The following YTHDF3 variants were observed in gnomAD, a reference collection of about 807,000 sequenced individuals.
YTHDF3 encodes the protein YTH domain-containing family protein 3.
YTHDF3 carries 9 observed loss-of-function variants against 52.5 expected under a neutral mutation model. That is an observed-to-expected ratio of 0.17 (90% confidence interval 0.10 to 0.30). The LOEUF (loss-of-function observed/expected upper bound fraction) is 0.30. Among genes scored for constraint, YTHDF3 ranks in the 10% least tolerant of loss-of-function variants. The probability of loss-of-function intolerance (pLI) is 1.00; values close to 1 mark genes in which losing one functional copy is unlikely to be tolerated. For synonymous variants in YTHDF3, 274 were observed against 243.3 expected (o/e 1.13, Z -1.18); for missense variants, 534 against 715.0 (o/e 0.75, Z 2.89).
At chr8:63,175,462 T>C (rs777818717) in intron 3 of YTHDF3, 46 bp downstream of exon 3, 1 of 1,405,572 alleles carries the variant, frequency 7.1e-7, no homozygotes, top group East Asian at 2.4e-5. Flanking sequence ...AACCTTTTAT[T>C]AGTATTAGTT....
At position 63,195,041 on chromosome 8, in the gene YTHDF3, C is replaced by T. The variant is rs569407668; in HGVS notation, c.1734+7296C>T. On this transcript the variant is annotated intron_variant, in intron 4 of 4. Coordinates refer to ENST00000539294, the MANE Select transcript of YTHDF3 (RefSeq NM_152758.6). ...ACTGATTATTTTGGCAACAGGAGTT[C>T]CTCGGCTTGCCTTGCCAGCCAACAA... 1.7e-4 allele frequency among the ~76,000 whole-genome samples: 26 copies of T among 152,276 alleles called. No homozygotes were observed. In the East Asian group the frequency reaches 3.7e-3, roughly 22 times the overall value.
rs1262130456 is a variant in YTHDF3 at position 63,168,716 on chromosome 8, C to T, written c.-162C>T. The T allele has an allele frequency of 6.4e-6, 9 of 1,400,962 alleles. No individual in the cohort carries two copies. In the East Asian group the frequency reaches 1.3e-4, roughly 20 times the overall value. The allele number at this position is 1,400,962 out of a possible 1,614,324, so 86.8% of individuals were successfully genotyped here. A position where few individuals can be genotyped will look rare whatever the true frequency, so the allele number is the denominator to read the frequency against. The stretch of plus-strand genomic sequence containing the variant: ...AGCGGAAAAGACGGGCCTCTTCCTC[C>T]GACTCCCGAGCGCGAGGCCCTCATT... On this transcript the variant is annotated 5_prime_UTR_variant, in exon 1 of 5. Transcript: ENST00000539294.
intron 3 of YTHDF3, among the ~76,000 whole-genome samples, chr8:63,180,599 G>T (rs549678936): frequency 4.1e-4 from 63 of 152,314 alleles, no homozygotes; most frequent in African/African-American, 1.4e-3. Context: ...TGCAATCTCG[G>T]CACTTTGGGA....
chr8:63,186,759 C>A lies in YTHDF3; in HGVS notation c.748C>A (p.Pro250Thr). 1.2e-6 allele frequency: 2 copies of A among 1,613,966 alleles called. No homozygotes were observed. Among genetic ancestry groups the A allele is most frequent in the Non-Finnish European group, 1.7e-6 (2 of 1,179,886 alleles). Residue 250 changes from proline (P) to threonine (T), a missense_variant, in exon 4 of 5, where the codon CCG becomes ACG. Physicochemically the swap from Pro to Thr is conservative, Grantham distance 38. Transcript: ENST00000539294. The stretch of plus-strand genomic sequence containing the variant: ...TGCCAGAAAGCCTGCCAAACCTCAA[C>A]CGAAACTTAAACCCAAGGGCAATGT... Reference protein sequence around the residue: ...AIARKPAKPQPKLKPKGNVGI... With the variant: ...AIARKPAKPQTKLKPKGNVGI...
chr8:63,178,795 AT>A (rs1807873410), intron 3 of YTHDF3, among the ~76,000 whole-genome samples: 1 of 152,184 alleles, frequency 6.6e-6, no homozygotes, highest in Non-Finnish European at 1.5e-5. Flanking sequence ...AGTACTCTCA[AT>A]TATCTAGCTA....
At chr8:63,169,226 T>C (rs1323580204) in intron 1 of YTHDF3, 161 bp from the exon 2 acceptor site, 2 of 1,300,232 alleles carry the variant, frequency 1.5e-6, no homozygotes, top group African/African-American at 3.0e-5. Flanking sequence ...GTTTAAAGGC[T>C]GGGGGTGGTT....
intron 4 of YTHDF3, among the ~76,000 whole-genome samples, chr8:63,200,075 AG>A (rs1194461347): frequency 6.6e-6 from 1 of 152,224 alleles, no homozygotes; most frequent in African/African-American, 2.4e-5. Context: ...GCTACAGTCA[AG>A]GCAGGGCTTG....
At chr8:63,198,992 A>G (rs1429502059) in intron 4 of YTHDF3, among the ~76,000 whole-genome samples, 1 of 104,258 alleles carries the variant, frequency 9.6e-6, no homozygotes. Context: ...ATTTGATTAA[A>G]TAATTCCTTG....
At chr8:63,184,185 T>TA (rs1345306193) in intron 3 of YTHDF3, among the ~76,000 whole-genome samples, 1 of 152,166 alleles carries the variant, frequency 6.6e-6, no homozygotes, top group Non-Finnish European at 1.5e-5. Flanking sequence ...AATACAACAA[T>TA]AAAAAATGAT....
chr8:63,212,114 A>T lies in YTHDF3; in HGVS notation c.*2408A>T, dbSNP rs1187611819. The stretch of plus-strand genomic sequence containing the variant: ...TGTTTGAATGATCACAAATTAAGAC[A>T]TTATCAGCCCAGTAAATTTCTTGCT... On this transcript the variant is annotated 3_prime_UTR_variant, in exon 5 of 5. Coordinates refer to ENST00000539294, the MANE Select transcript of YTHDF3 (RefSeq NM_152758.6). 1 of 152,622 alleles carries T rather than the reference A, an allele frequency of 6.6e-6. No homozygotes were observed. Among genetic ancestry groups the T allele is most frequent in the Non-Finnish European group, 1.5e-5 (1 of 68,018 alleles). The allele number at this position is 152,622 out of a possible 1,614,324, so 9.5% of individuals were successfully genotyped here.
At position 63,212,452 on chromosome 8, in the gene YTHDF3, A is replaced by T. The variant is rs1810416131; in HGVS notation, c.*2746A>T. On this transcript the variant is annotated 3_prime_UTR_variant, in exon 5 of 5. Transcript: ENST00000539294. ...AGTTTGCAATAAAAAAAAATGAATC[A>T]GCTTAAGTCATTTAATCATTTCAAG... 6.5e-6 allele frequency: 1 copy of T among 152,750 alleles called. No individual in the cohort carries two copies. Among genetic ancestry groups the T allele is most frequent in the African/African-American group, 2.4e-5 (1 of 41,564 alleles). The allele number at this position is 152,750 out of a possible 1,614,324, so 9.5% of individuals were successfully genotyped here.
chr8:63,208,505 A>C (rs1172748221), intron 4 of YTHDF3, among the ~76,000 whole-genome samples: 1 of 152,232 alleles, frequency 6.6e-6, no homozygotes, highest in African/African-American at 2.4e-5. Flanking sequence ...AGCAGTCCAG[A>C]ACCACCTGTG....
chr8:63,181,566 A>G (rs540656633), intron 3 of YTHDF3, among the ~76,000 whole-genome samples: 30 of 152,210 alleles, frequency 2.0e-4, no homozygotes, highest in Non-Finnish European at 3.5e-4. Context: ...AGACGTGTAC[A>G]CACACCTATG....
At chr8:63,208,167 A>T (rs1426112342) in intron 4 of YTHDF3, among the ~76,000 whole-genome samples, 1 of 152,176 alleles carries the variant, frequency 6.6e-6, no homozygotes, top group Admixed American at 6.5e-5. Flanking sequence ...TCTATGAAAT[A>T]GTTTCATTTA....
At chr8:63,207,284 C>CT (rs1364242357) in intron 4 of YTHDF3, among the ~76,000 whole-genome samples, 2 of 152,064 alleles carry the variant, frequency 1.3e-5, no homozygotes, top group East Asian at 3.8e-4. Context: ...TTGTATGTCT[C>CT]TATTAGTCTT....
At chr8:63,208,343 G>A (rs1810171079) in intron 4 of YTHDF3, among the ~76,000 whole-genome samples, 1 of 152,134 alleles carries the variant, frequency 6.6e-6, no homozygotes, top group South Asian at 2.1e-4. Flanking sequence ...CACAGAGGAT[G>A]GAAAACTAAA....
chr8:63,169,614 G>A, intron 2 of YTHDF3: 1 of 587,366 alleles, frequency 1.7e-6, no homozygotes, highest in Non-Finnish European at 3.1e-6. Context: ...AGAAACCAAA[G>A]TAGTACGAGA....
At chr8:63,177,184 TG>T (rs1438833373) in intron 3 of YTHDF3, among the ~76,000 whole-genome samples, 1 of 152,180 alleles carries the variant, frequency 6.6e-6, no homozygotes, top group Non-Finnish European at 1.5e-5. Context: ...CTGAACAGTT[TG>T]TACAGTAGAG....
At chr8:63,202,343 T>C (rs1049790191) in intron 4 of YTHDF3, among the ~76,000 whole-genome samples, 5 of 152,226 alleles carry the variant, frequency 3.3e-5, no homozygotes, top group African/African-American at 1.2e-4. Flanking sequence ...TCCGTCCTTT[T>C]CTTGGGACAG....
Sources: gnomAD v4.1 joint callset for allele counts (sites outside exome capture counted in the v4.1 genomes callset) on GRCh38, gnomAD v4.1.1 for gene constraint, MANE v1.5 for transcripts, NCBI Gene and HGNC (gene_info 2026-07-23, HGNC 2026-07-21) for gene names.